The following EXOC4 variants were observed in gnomAD, a reference collection of about 807,000 sequenced individuals.
The protein encoded by EXOC4 is exocyst complex component 4.
Under a neutral mutation model 107.2 loss-of-function variants are expected in EXOC4, and 71 were observed. The observed-to-expected ratio is 0.66, with a 90% CI of 0.55 to 0.81. The LOEUF (loss-of-function observed/expected upper bound fraction) is 0.81, where lower values mean the gene tolerates loss of function less well. Ranked by LOEUF, EXOC4 falls within the 30% of genes least tolerant of loss-of-function variation. The pLI, the probability that EXOC4 is intolerant of heterozygous loss-of-function variation, is 0.00. For synonymous variants in EXOC4, 456 were observed against 441.2 expected (o/e 1.03, Z -0.42); for missense variants, 1,108 against 1,189.6 (o/e 0.93, Z 1.01).
chr7:133,730,668 A>G (rs955618870), intron 10 of EXOC4, among the ~76,000 whole-genome samples: 2 of 152,202 alleles, frequency 1.3e-5, no homozygotes, highest in Non-Finnish European at 2.9e-5. Context: ...AATTCTGGAC[A>G]TACAGCAAAG....
rs1208855455 is a variant in EXOC4 at position 133,576,360 on chromosome 7, G to C, written c.1418-53685G>C. The C allele has an allele frequency of 5.0e-5, 35 of 697,944 alleles. No individual in the cohort carries two copies. In the East Asian group the frequency reaches 2.0e-3, roughly 40 times the overall value. The allele number at this position is 697,944 out of a possible 1,614,324, so 43.2% of individuals were successfully genotyped here. A position where few individuals can be genotyped will look rare whatever the true frequency, so the allele number is the denominator to read the frequency against. The stretch of plus-strand genomic sequence containing the variant: ...ATTGGCAGATCACACCTTAAGAAAA[G>C]TGATTGGTTGGCTTGTTTCTTTCAT... On this transcript the variant is annotated intron_variant, in intron 9 of 17. Coordinates refer to ENST00000253861, the MANE Select transcript of EXOC4 (RefSeq NM_021807.4).
intron 10 of EXOC4, among the ~76,000 whole-genome samples, chr7:133,655,185 A>AAAGT (rs1562893822): frequency 6.6e-6 from 1 of 151,692 alleles, no homozygotes; most frequent in African/African-American, 2.4e-5. Context: ...AACTTTATTT[A>AAAGT]AAATAAACTT....
chr7:133,653,827 C>T (rs1803222318), intron 10 of EXOC4, among the ~76,000 whole-genome samples: 1 of 152,128 alleles, frequency 6.6e-6, no homozygotes. Context: ...TACTCTCTGT[C>T]CACAGCTACC....
chr7:133,973,598 T>C (rs1202709914), intron 14 of EXOC4, among the ~76,000 whole-genome samples: 2 of 152,182 alleles, frequency 1.3e-5, no homozygotes, highest in Non-Finnish European at 2.9e-5. Flanking sequence ...TGGAGGACAA[T>C]GTCAAGCTAT....
intron 12 of EXOC4, among the ~76,000 whole-genome samples, chr7:133,910,327 C>G (rs1472059886): frequency 6.6e-6 from 1 of 152,166 alleles, no homozygotes; most frequent in African/African-American, 2.4e-5. Context: ...CATATGAGAA[C>G]TTGTCTATTT....
At chr7:133,596,706 T>C (rs909007275) in intron 9 of EXOC4, among the ~76,000 whole-genome samples, 2 of 152,172 alleles carry the variant, frequency 1.3e-5, no homozygotes, top group African/African-American at 4.8e-5. Context: ...CATCTTCAGC[T>C]TGGTTCCAGG....
intron 14 of EXOC4, among the ~76,000 whole-genome samples, chr7:133,979,704 C>G (rs548439949): frequency 6.6e-6 from 1 of 151,988 alleles, no homozygotes; most frequent in East Asian, 1.9e-4. Flanking sequence ...AGGAGAATGG[C>G]GTGAACCTGG....
chr7:134,067,632 T>TACAC (rs1177750777), downstream of EXOC4, among the ~76,000 whole-genome samples: 4,606 of 98,294 alleles, frequency 0.047, 121 homozygotes, highest in South Asian at 0.082. Flanking sequence ...CTCTTATATA[T>TACAC]ATATATACAC....
At chr7:133,542,532 A>G (rs1350147614) in intron 9 of EXOC4, among the ~76,000 whole-genome samples, 1 of 152,092 alleles carries the variant, frequency 6.6e-6, no homozygotes, top group Non-Finnish European at 1.5e-5. Context: ...TTAGGGTAAT[A>G]TTTTTAGGTT....
chr7:133,354,143 G>C lies in EXOC4; in HGVS notation c.764-2187G>C, dbSNP rs1176222569. On this transcript the variant is annotated intron_variant, in intron 5 of 17. Transcript: ENST00000253861. ...TACCATTAAGTCTTTTTCAGGGACA[G>C]TTTCTGTTGATTTATTTTTTTTCCT... 3.3e-5 allele frequency among the ~76,000 whole-genome samples: 5 copies of C among 151,850 alleles called. No homozygotes were observed. The South Asian group carries it at 1.0e-3, about 32-fold the overall frequency.
intron 10 of EXOC4, among the ~76,000 whole-genome samples, chr7:133,747,014 G>T (rs776830713): frequency 6.6e-6 from 1 of 152,140 alleles, no homozygotes; most frequent in Non-Finnish European, 1.5e-5. Flanking sequence ...GGTAATACTA[G>T]TAGTACAACT....
chr7:133,520,973 T>C (rs1799967655), intron 9 of EXOC4, among the ~76,000 whole-genome samples: 2 of 152,144 alleles, frequency 1.3e-5, no homozygotes, highest in Non-Finnish European at 2.9e-5. Context: ...TTGGTGATGA[T>C]GTATAAAATA....
At position 133,787,966 on chromosome 7, in the gene EXOC4, TATATATATATATA is replaced by T. The variant is rs1562997651; in HGVS notation, c.1515-29358_1515-29346del. On this transcript the variant is annotated intron_variant, in intron 10 of 17. Coordinates refer to ENST00000253861, the MANE Select transcript of EXOC4 (RefSeq NM_021807.4). ...CCCTGTGCATATATTTATATATTTA[TATATATATATATA>T]TATATATATATATATATATATATAT... 2.5e-3 allele frequency among the ~76,000 whole-genome samples: 42 copies of T among 16,492 alleles called. 2 individuals are homozygous for T. Among genetic ancestry groups the T allele is most frequent in the African/African-American group, 8.8e-3 (41 of 4,648 alleles). 10.8% of individuals were successfully genotyped at this position (16,492 alleles called of 152,430 possible). A position where few individuals can be genotyped will look rare whatever the true frequency, so the allele number is the denominator to read the frequency against.
intron 10 of EXOC4, among the ~76,000 whole-genome samples, chr7:133,788,642 G>A (rs1270631847): frequency 6.6e-6 from 1 of 152,006 alleles, no homozygotes; most frequent in Non-Finnish European, 1.5e-5. Flanking sequence ...ACAGGTGCCC[G>A]CCACCACGCC....
the EXOC4 span, among the ~76,000 whole-genome samples, chr7:134,094,802 C>G: frequency 2.0e-5 from 3 of 151,666 alleles, no homozygotes; most frequent in South Asian, 6.3e-4. Context: ...TAATAAAAAC[C>G]CCAACAAACT....
At chr7:133,290,437 C>T (rs1794377780) in intron 3 of EXOC4, among the ~76,000 whole-genome samples, 1 of 152,148 alleles carries the variant, frequency 6.6e-6, no homozygotes, top group Non-Finnish European at 1.5e-5. Flanking sequence ...AATTACTTTT[C>T]ACCTTTAGTG....
At chr7:133,678,431 A>G (rs958166617) in intron 10 of EXOC4, among the ~76,000 whole-genome samples, 4 of 152,170 alleles carry the variant, frequency 2.6e-5, no homozygotes, top group Non-Finnish European at 5.9e-5. Context: ...TTCACTTCCA[A>G]CTGTTTCCCT....
rs548392160 is a variant in EXOC4, at chr7:133,583,086, C to T, written c.1418-46959C>T. 1.5e-4 allele frequency among the ~76,000 whole-genome samples: 23 copies of T among 152,266 alleles called. 1 individual carries two copies. The South Asian group carries it at 4.4e-3, about 29-fold the overall frequency. ...TCACTGAGTTGTACAGCCACTGCTC[C>T]GTTCTAATTTTACAATATTTTTCTT... On this transcript the variant is annotated intron_variant, in intron 9 of 17. Transcript: ENST00000253861.
At chr7:133,291,279 T>G (rs1229947935) in intron 3 of EXOC4, among the ~76,000 whole-genome samples, 3 of 152,124 alleles carry the variant, frequency 2.0e-5, no homozygotes, top group Admixed American at 2.0e-4. Flanking sequence ...TTCTCCCAAT[T>G]GGGGATTTGT....
Sources: gnomAD v4.1 joint callset for allele counts (sites outside exome capture counted in the v4.1 genomes callset) on GRCh38, gnomAD v4.1.1 for gene constraint, MANE v1.5 for transcripts, NCBI Gene and HGNC (gene_info 2026-07-23, HGNC 2026-07-21) for gene names.